MPP4: variants seen among roughly 807,000 people sequenced by gnomAD.
The protein encoded by MPP4 is MAGUK p55 scaffold protein 4, also known as MAGUK p55 subfamily member 4.
In MPP4, 91 loss-of-function variants were observed where a neutral mutation model predicts 98.3. The ratio of observed to expected loss-of-function variants is 0.93; its 90% CI spans 0.78 to 1.10. MPP4 has a LOEUF of 1.10. MPP4 is among the 50% of genes least tolerant of loss of function. MPP4 has a pLI of 0.00. For synonymous variants in MPP4, 261 were observed against 271.8 expected (o/e 0.96, Z 0.39); for missense variants, 744 against 792.9 (o/e 0.94, Z 0.74).
At chr2:201,681,589 AG>A in intron 8 of MPP4, 22 bp from the exon 9 acceptor site, 1 of 1,601,542 alleles carries the variant, frequency 6.2e-7, no homozygotes, top group Non-Finnish European at 8.6e-7. Context: ...GAGAGGAGAA[AG>A]GATGACAATC....
intron 18 of MPP4, chr2:201,650,376 A>G: frequency 1.0e-5 from 10 of 985,468 alleles, no homozygotes; most frequent in Non-Finnish European, 1.1e-5. Flanking sequence ...TGCTTATGGT[A>G]TGAAAAAGAA....
intron 9 of MPP4, 57 bp downstream of exon 9, chr2:201,681,439 G>A (rs1418215685): frequency 2.2e-6 from 3 of 1,336,814 alleles, no homozygotes; most frequent in African/African-American, 1.4e-5. Flanking sequence ...ATCATATTTA[G>A]TTGCTGTTAC....
chr2:201,680,288 G>A (rs1688628476), intron 10 of MPP4: 2 of 153,430 alleles, frequency 1.3e-5, no homozygotes, highest in Non-Finnish European at 2.9e-5. Flanking sequence ...CAACAGAGAT[G>A]TATTTGCTCA....
rs1275006049 is a variant in MPP4, at chr2:201,687,390, T to A, written c.280-19A>T. 6.4e-6 allele frequency: 10 copies of A among 1,550,742 alleles called. No individual in the cohort carries two copies. The highest frequency in any genetic ancestry group is 5.5e-5 in the African/African-American group (4 of 72,910). On this transcript the variant is annotated intron_variant, in intron 4 of 21. Coordinates refer to ENST00000409474, the MANE Select transcript of MPP4 (RefSeq NM_033066.3). ...CCACTACCTGGTTCATGGAAAAGGA[T>A]ACATTATAAAAATTTTAAAAAATCT...
At chr2:201,664,193 C>T (rs2105923132) in intron 13 of MPP4, 92 bp from the exon 14 acceptor site, 12 of 1,504,446 alleles carry the variant, frequency 8.0e-6, no homozygotes, top group East Asian at 5.1e-5. Flanking sequence ...CTGGCCCCTA[C>T]TTCTGCCCAT....
chr2:201,682,985 C>G (rs540809015), intron 7 of MPP4, 69 bp from the exon 8 acceptor site: 218 of 1,161,644 alleles, frequency 1.9e-4, no homozygotes, highest in Admixed American at 3.1e-4. Context: ...GTAGCTACCT[C>G]GATAGCTATT....
intron 6 of MPP4, among the ~76,000 whole-genome samples, chr2:201,685,474 G>C (rs945530947): frequency 1.3e-5 from 2 of 152,142 alleles, no homozygotes; most frequent in African/African-American, 4.8e-5. Flanking sequence ...AGAATACTTA[G>C]ATTCATCCAA....
intron 7 of MPP4, among the ~76,000 whole-genome samples, chr2:201,684,310 G>T (rs1688754731): frequency 6.6e-6 from 1 of 152,132 alleles, no homozygotes; most frequent in Non-Finnish European, 1.5e-5. Context: ...GGCATTTCAA[G>T]ATGGGAAAGA....
chr2:201,664,273 C>G, intron 13 of MPP4, 172 bp from the exon 14 acceptor site: 1 of 1,479,250 alleles, frequency 6.8e-7, no homozygotes, highest in Non-Finnish European at 9.1e-7. Context: ...CATATATCAG[C>G]TTTACATGAA....
chr2:201,681,664 A>C (rs1270442490), intron 8 of MPP4, 97 bp from the exon 9 acceptor site: 94 of 877,570 alleles, frequency 1.1e-4, no homozygotes, highest in East Asian at 2.9e-4. Context: ...TCCAGGTCTC[A>C]TGGTAAAATC....
At chr2:201,647,991 G>A (rs1381700091) in intron 20 of MPP4, among the ~76,000 whole-genome samples, 166 bp from the exon 21 acceptor site, 1 of 152,102 alleles carries the variant, frequency 6.6e-6, no homozygotes, top group African/African-American at 2.4e-5. Context: ...AAGTAGCTGG[G>A]ACCACAGGCA....
chr2:201,656,171 G>C, intron 17 of MPP4, 27 bp downstream of exon 17: 1 of 1,570,804 alleles, frequency 6.4e-7, no homozygotes, highest in Non-Finnish European at 8.7e-7. Context: ...TCAAGGAGGA[G>C]GAGAGACAGT....
At chr2:201,685,436 A>G (rs2597904) in intron 6 of MPP4, among the ~76,000 whole-genome samples, 147,949 of 151,702 alleles carry the variant, frequency 0.98, 72,258 homozygotes, top group Middle Eastern at 1. Context: ...GGCTTCCTGG[A>G]GTCTCATTTC....
chr2:201,687,173 C>T (rs1263793850), intron 5 of MPP4, 118 bp downstream of exon 5: 11 of 823,824 alleles, frequency 1.3e-5, no homozygotes, highest in Admixed American at 4.6e-5. Flanking sequence ...GGTCAGTAAC[C>T]GTGTACAGTA....
chr2:201,692,708 A>G (rs1459317435), intron 3 of MPP4, among the ~76,000 whole-genome samples, 200 bp downstream of exon 3: 1 of 152,220 alleles, frequency 6.6e-6, no homozygotes, highest in East Asian at 1.9e-4. Context: ...TTTAGGAACC[A>G]GAGAGGGAGC....
At chr2:201,686,136 A>T in intron 5 of MPP4, 86 bp from the exon 6 acceptor site, 1 of 1,468,158 alleles carries the variant, frequency 6.8e-7, no homozygotes, top group Non-Finnish European at 9.2e-7. Flanking sequence ...TATCTAAGAC[A>T]CAGCAACAAC....
intron 7 of MPP4, 70 bp from the exon 8 acceptor site, chr2:201,682,986 G>C (rs1455219135): frequency 1.7e-6 from 2 of 1,177,852 alleles, no homozygotes; most frequent in Non-Finnish European, 2.5e-6. Flanking sequence ...TAGCTACCTC[G>C]ATAGCTATTT....
chr2:201,660,181 G>GA, intron 15 of MPP4, 151 bp downstream of exon 15: 2 of 736,684 alleles, frequency 2.7e-6, no homozygotes, highest in East Asian at 5.5e-5. Flanking sequence ...GTTTCCTCGG[G>GA]AAAAAATGTA....
intron 11 of MPP4, among the ~76,000 whole-genome samples, chr2:201,673,184 C>T (rs527879693): frequency 6.6e-6 from 1 of 152,288 alleles, no homozygotes; most frequent in East Asian, 1.9e-4. Context: ...ATGCTAAAAA[C>T]TCTCAATAAA....
Sources: allele counts gnomAD v4.1 joint callset (sites outside exome capture counted in the v4.1 genomes callset), GRCh38; gene constraint gnomAD v4.1.1; transcripts MANE v1.5; gene names NCBI Gene and HGNC (gene_info 2026-07-23, HGNC 2026-07-21).